Variants in RAD51B observed in about 807,000 individuals in gnomAD.
The protein encoded by RAD51B is DNA repair protein RAD51 homolog 2.
Under a neutral mutation model 42.2 loss-of-function variants are expected in RAD51B, and 38 were observed. That is an observed-to-expected ratio of 0.90 (90% CI 0.70 to 1.18). The LOEUF (loss-of-function observed/expected upper bound fraction) is 1.18. Ranked by LOEUF, RAD51B falls within the 50% of genes most tolerant of loss-of-function variation. The pLI is 0.00. For missense variants in RAD51B, 373 were observed against 400.7 expected (o/e 0.93, Z 0.59); for synonymous variants, 154 against 145.2 (o/e 1.06, Z -0.43).
In RAD51B at chr14:68,569,479, C is replaced by T. The variant is rs185066287; in HGVS notation, c.1037-25006C>T. ...CTCAAATTTCACAAGTTACAGGGAA[C>T]CTGTCAACTGCTGTTTTCATTGTAT... On this transcript the variant is annotated intron_variant, in intron 10 of 10. Transcript: ENST00000487270. 2.3e-3 allele frequency among the ~76,000 whole-genome samples: 356 copies of T among 152,320 alleles called. 1 individual carries two copies. Among genetic ancestry groups the T allele is most frequent in the Non-Finnish European group, 4.3e-3 (293 of 68,032 alleles).
intron 11 of RAD51B, among the ~76,000 whole-genome samples, chr14:68,680,225 A>G (rs1194843739): frequency 6.6e-6 from 1 of 152,226 alleles, no homozygotes; most frequent in Non-Finnish European, 1.5e-5. Context: ...TCAAGCCCTG[A>G]GTATAGAGTG....
At chr14:68,231,508 C>T (rs918388296) in intron 7 of RAD51B, among the ~76,000 whole-genome samples, 2 of 152,178 alleles carry the variant, frequency 1.3e-5, no homozygotes, top group East Asian at 3.9e-4. Context: ...TGCTGTTAAT[C>T]TCCAATGTGT....
chr14:68,325,171 T>G (rs1191760711), intron 8 of RAD51B, among the ~76,000 whole-genome samples: 1 of 152,186 alleles, frequency 6.6e-6, no homozygotes, highest in Non-Finnish European at 1.5e-5. Flanking sequence ...AACTTCTTAA[T>G]GTTTAAAATG....
At chr14:67,837,302 A>G (rs997944697) in intron 4 of RAD51B, among the ~76,000 whole-genome samples, 2 of 150,494 alleles carry the variant, frequency 1.3e-5, no homozygotes, top group African/African-American at 5.0e-5. Context: ...TGTGATCCAC[A>G]GTCATAAACT....
intron 7 of RAD51B, among the ~76,000 whole-genome samples, chr14:68,273,949 C>T (rs1394984932): frequency 2.0e-5 from 3 of 152,076 alleles, no homozygotes; most frequent in Admixed American, 2.0e-4. Flanking sequence ...CAGAGTAAAA[C>T]ATGTATAATG....
At chr14:68,559,172 G>T (rs1889017501) in intron 10 of RAD51B, among the ~76,000 whole-genome samples, 1 of 151,322 alleles carries the variant, frequency 6.6e-6, no homozygotes, top group Non-Finnish European at 1.5e-5. Flanking sequence ...TGTCTATAGA[G>T]ACAAATACCT....
intron 10 of RAD51B, among the ~76,000 whole-genome samples, chr14:68,542,179 G>A (rs1207230252): frequency 6.6e-6 from 1 of 151,884 alleles, no homozygotes; most frequent in East Asian, 1.9e-4. Context: ...ATATGTCAGG[G>A]GAGTTCCATT....
chr14:68,476,779 A>T (rs572213126), intron 10 of RAD51B, among the ~76,000 whole-genome samples: 2 of 152,318 alleles, frequency 1.3e-5, no homozygotes, highest in African/African-American at 4.8e-5. Flanking sequence ...CGACAAATAG[A>T]GGAGCTTTTG....
intron 7 of RAD51B, among the ~76,000 whole-genome samples, chr14:68,259,251 C>T (rs1005634045): frequency 5.4e-5 from 8 of 148,570 alleles, no homozygotes; most frequent in Non-Finnish European, 7.4e-5. Context: ...TCAATTCCCA[C>T]CTGTGAGTGA....
rs1296449848 is a variant in RAD51B, at chr14:68,214,586, ATTTG to A, written c.757-77293_757-77290del. On this transcript the variant is annotated intron_variant, in intron 7 of 10. Coordinates refer to ENST00000471583, the MANE Select transcript of RAD51B (RefSeq NM_133510.4). The stretch of plus-strand genomic sequence containing the variant: ...AAGCATGTCAGTATTTTAAAGGCTT[ATTTG>A]TTTGAGCAATGAGAGATGATCAGTG... 7.9e-5 allele frequency among the ~76,000 whole-genome samples: 12 copies of A among 152,338 alleles called. No homozygotes were observed. The East Asian group carries it at 2.3e-3, about 29-fold the overall frequency.
intron 7 of RAD51B, among the ~76,000 whole-genome samples, chr14:68,259,200 A>G (rs2080822402): frequency 6.6e-6 from 1 of 152,100 alleles, no homozygotes; most frequent in Admixed American, 6.5e-5. Context: ...TTCTTGAACG[A>G]AATGCAAAGC....
intron 7 of RAD51B, among the ~76,000 whole-genome samples, chr14:68,277,435 C>T (rs781370717): frequency 2.0e-5 from 3 of 152,182 alleles, no homozygotes; most frequent in Non-Finnish European, 2.9e-5. Context: ...GAGGTGCCCT[C>T]CCCTTCAGGA....
chr14:68,581,864 A>G (rs1890222623), intron 10 of RAD51B, among the ~76,000 whole-genome samples: 1 of 152,162 alleles, frequency 6.6e-6, no homozygotes, highest in Non-Finnish European at 1.5e-5. Context: ...CGCATCTACA[A>G]CCATCTGATC....
intron 9 of RAD51B, among the ~76,000 whole-genome samples, chr14:68,416,578 C>T (rs542000185): frequency 2.0e-5 from 3 of 152,290 alleles, no homozygotes; most frequent in South Asian, 2.1e-4. Context: ...ATCATTCTTC[C>T]GCATAGAAAT....
intron 7 of RAD51B, among the ~76,000 whole-genome samples, chr14:68,169,994 G>T (rs2767384): frequency 0.82 from 125,296 of 152,130 alleles, 51,826 homozygotes; most frequent in East Asian, 0.98. Flanking sequence ...AAGAACCATT[G>T]AAACTCTCTC....
intron 8 of RAD51B, among the ~76,000 whole-genome samples, chr14:68,382,172 GC>G (rs2083491604): frequency 6.6e-6 from 1 of 152,240 alleles, no homozygotes; most frequent in Admixed American, 6.5e-5. Flanking sequence ...GGCGTTTTGT[GC>G]CAAATTATTC....
intron 9 of RAD51B, among the ~76,000 whole-genome samples, chr14:68,442,168 G>A (rs969257251): frequency 6.6e-5 from 10 of 152,144 alleles, no homozygotes; most frequent in Non-Finnish European, 1.5e-4. Context: ...TCTATGATGT[G>A]AATTACTTTA....
intron 7 of RAD51B, among the ~76,000 whole-genome samples, chr14:67,929,917 T>C (rs2044664998): frequency 6.6e-6 from 1 of 152,156 alleles, no homozygotes; most frequent in Non-Finnish European, 1.5e-5. Context: ...TCTGAGTAGC[T>C]GGGATTACAG....
intron 7 of RAD51B, among the ~76,000 whole-genome samples, chr14:68,278,361 C>T (rs1325515230): frequency 2.0e-5 from 3 of 152,106 alleles, no homozygotes; most frequent in Admixed American, 2.0e-4. Context: ...TTGCTGCAAG[C>T]CAGGCAAGTC....
Sources: gnomAD v4.1 joint callset for allele counts (sites outside exome capture counted in the v4.1 genomes callset) on GRCh38, gnomAD v4.1.1 for gene constraint, MANE v1.5 for transcripts, NCBI Gene and HGNC (gene_info 2026-07-23, HGNC 2026-07-21) for gene names.